The following KMT2C variants were observed in gnomAD, a reference collection of about 807,000 sequenced individuals.
KMT2C encodes histone-lysine N-methyltransferase 2C.
Under a neutral mutation model 507.9 loss-of-function variants are expected in KMT2C, and 88 were observed. That is an observed-to-expected ratio of 0.17 (90% CI 0.15 to 0.21). The LOEUF (loss-of-function observed/expected upper bound fraction) is 0.21, where lower values mean the gene tolerates loss of function less well. Among genes scored for constraint, KMT2C ranks in the 10% least tolerant of loss-of-function variants. KMT2C has a pLI of 1.00. For missense variants in KMT2C, 4,954 were observed against 5,957.8 expected (o/e 0.83, Z 5.55); for synonymous variants, 2,049 against 2,080.8 (o/e 0.98, Z 0.42).
chr7:152,192,352 C>T (rs1397062245), intron 31 of KMT2C, among the ~76,000 whole-genome samples: 2 of 151,880 alleles, frequency 1.3e-5, no homozygotes, highest in Non-Finnish European at 2.9e-5. Context: ...GCCAGCCTGA[C>T]CAAGATGGTG....
Position 152,210,063 on chromosome 7 carries a change from A to T in KMT2C, c.3713-2635T>A, listed in dbSNP as rs535038755. 1.7e-4 allele frequency among the ~76,000 whole-genome samples: 26 copies of T among 152,214 alleles called. No individual in the cohort carries two copies. The South Asian group carries it at 5.0e-3, about 29-fold the overall frequency. ...CAATGGGATGAAGACTGAAAATAGG[A>T]CCAAGAAAATATGGGCATACTAAAT... is the stretch of plus-strand genomic sequence containing the variant. On this transcript the variant is annotated intron_variant, in intron 23 of 58. Transcript: ENST00000262189.
chr7:152,255,126 T>TATATATATATATAC (rs2095632253), intron 9 of KMT2C, among the ~76,000 whole-genome samples: 1 of 119,760 alleles, frequency 8.4e-6, no homozygotes, highest in Non-Finnish European at 1.7e-5. Context: ...TATATATATA[T>TATATATATATATAC]ATATATATAT....
At chr7:152,191,033 A>C (rs949589007) in intron 31 of KMT2C, among the ~76,000 whole-genome samples, 1 of 152,218 alleles carries the variant, frequency 6.6e-6, no homozygotes, top group Non-Finnish European at 1.5e-5. Context: ...ATGTAATTGC[A>C]CACCTAATAT....
In KMT2C at chr7:152,248,077, G is replaced by T. The variant is rs1279128165; in HGVS notation, c.2357C>A (p.Thr786Lys). The T allele has an allele frequency of 2.5e-6, 4 of 1,614,142 alleles. No homozygotes were observed. Among genetic ancestry groups the T allele is most frequent in the Non-Finnish European group, 3.4e-6 (4 of 1,180,022 alleles). ...ISKADVSSSP[T>K]PSSDLPSHDM... ...ATGCGAAGGCAAGTCTGAAGAAGGTGTTGGGGAGGAAGACACATCTGCCTT... is the reference window on the plus strand; with the variant it reads ...ATGCGAAGGCAAGTCTGAAGAAGGTTTTGGGGAGGAAGACACATCTGCCTT... Residue 786 changes from threonine to lysine, a missense_variant, in exon 14 of 59, where the codon ACA becomes AAA. Transcript: ENST00000262189.
Position 152,367,247 on chromosome 7 carries a change from T to C in KMT2C, c.162-8572A>G, listed in dbSNP as rs2097254920. ...TGTTTTGATGTTGACAGCACGGTCATCAGAGAAGAAGGAACCAACATTCAA... is the reference window on the plus strand; with the variant it reads ...TGTTTTGATGTTGACAGCACGGTCACCAGAGAAGAAGGAACCAACATTCAA... On this transcript the variant is annotated intron_variant, in intron 1 of 58. Transcript: ENST00000262189. The C allele has an allele frequency of 4.9e-6, 7 of 1,420,352 alleles. No homozygotes were observed. The East Asian group carries it at 1.7e-4, about 35-fold the overall frequency. The allele number at this position is 1,420,352 out of a possible 1,614,324, so 88.0% of individuals were successfully genotyped here.
chr7:152,265,957 A>T (rs1270989764), intron 7 of KMT2C, among the ~76,000 whole-genome samples: 1 of 152,292 alleles, frequency 6.6e-6, no homozygotes, highest in East Asian at 1.9e-4. Flanking sequence ...AAATATAAGG[A>T]TAAACTGCCC....
intron 6 of KMT2C, among the ~76,000 whole-genome samples, chr7:152,287,745 C>T (rs538837464): frequency 2.6e-5 from 4 of 152,168 alleles, no homozygotes; most frequent in South Asian, 2.1e-4. Context: ...CAATTACAGC[C>T]GGACACAGTG....
At position 152,139,750 on chromosome 7, in the gene KMT2C, G is replaced by A. The variant is rs2129089896; in HGVS notation, c.14385C>T (p.Thr4795=). ...LYAARDIEKH[T]MVIEYIGTII... ...TAGTCCCGATGTACTCAATGACCAT[G>A]GTGTGTTTCTCAATGTCTCGAGCAG... The change falls in exon 56 of 59, where the codon ACC becomes ACT. Residue 4795 remains threonine, a synonymous_variant. Coordinates refer to ENST00000262189, the MANE Select transcript of KMT2C (RefSeq NM_170606.3). 6.2e-7 allele frequency: 1 copy of A among 1,613,938 alleles called. No homozygotes were observed. The highest frequency in any genetic ancestry group is 8.5e-7 in the Non-Finnish European group (1 of 1,179,974).
Position 152,421,239 on chromosome 7 carries a change from C to CA in KMT2C, c.161+14386dup, listed in dbSNP as rs772104072. ...ATGGCTATGATTAAAAAGTCACACACAAAAAAAACATGTTGGCAAGGTTGT... is the reference window on the plus strand; with the variant it reads ...ATGGCTATGATTAAAAAGTCACACACAAAAAAAAACATGTTGGCAAGGTTGT... On this transcript the variant is annotated intron_variant, in intron 1 of 58. Coordinates refer to ENST00000262189, the MANE Select transcript of KMT2C (RefSeq NM_170606.3). Among the ~76,000 whole-genome samples the CA allele has an allele frequency of 1.3e-3, 204 of 151,690 alleles. 1 individual carries two copies. Among genetic ancestry groups the CA allele is most frequent in the Non-Finnish European group, 2.2e-3 (148 of 67,864 alleles).
chr7:152,392,902 A>G (rs554348403), intron 1 of KMT2C, among the ~76,000 whole-genome samples: 1 of 152,312 alleles, frequency 6.6e-6, no homozygotes, highest in African/African-American at 2.4e-5. Context: ...TGAAGGAAGA[A>G]AGGGCAACAT....
At chr7:152,368,294 C>G in intron 1 of KMT2C, 2 of 1,169,616 alleles carry the variant, frequency 1.7e-6, no homozygotes, top group Non-Finnish European at 1.3e-6. Flanking sequence ...AGAAAACTGG[C>G]AGCTGTGACT....
Position 152,139,244 on chromosome 7 carries a change from T to C in KMT2C, c.14476A>G (p.Met4826Val), listed in dbSNP as rs1318969103. The C allele has an allele frequency of 2.0e-5, 33 of 1,613,644 alleles. No homozygotes were observed. Among genetic ancestry groups the C allele is most frequent in the Non-Finnish European group, 8.5e-7 (1 of 1,180,022 alleles). ...ACATGGTCGTTATCCATGCGGAACA[T>C]GTACACACCACGGTTCTGAGGGAAA... ...LYESQNRGVY[M>V]FRMDNDHVID... The change falls in exon 57 of 59, where the codon ATG (methionine) becomes GTG (valine). Residue 4826 changes from methionine (M) to valine (V), a missense_variant. Coordinates refer to ENST00000262189, the MANE Select transcript of KMT2C (RefSeq NM_170606.3).
intron 3 of KMT2C, among the ~76,000 whole-genome samples, chr7:152,325,587 A>C (rs749012052): frequency 3.3e-5 from 5 of 151,782 alleles, no homozygotes; most frequent in Non-Finnish European, 5.9e-5. Flanking sequence ...CAGCCTCCTG[A>C]GTAGCACCAC....
intron 3 of KMT2C, among the ~76,000 whole-genome samples, chr7:152,315,614 T>C (rs1447952682): frequency 2.0e-5 from 3 of 152,308 alleles, no homozygotes; most frequent in East Asian, 3.9e-4. Flanking sequence ...TTATTTTCTT[T>C]TATATTTGAC....
At chr7:152,275,605 T>C (rs970955456) in intron 6 of KMT2C, among the ~76,000 whole-genome samples, 3 of 152,192 alleles carry the variant, frequency 2.0e-5, no homozygotes, top group African/African-American at 4.8e-5. Flanking sequence ...TTTTTCTTCA[T>C]TGATAAAGTG....
intron 6 of KMT2C, among the ~76,000 whole-genome samples, chr7:152,293,449 G>A (rs981498643): frequency 2.0e-5 from 3 of 152,132 alleles, no homozygotes; most frequent in Admixed American, 2.0e-4. Context: ...AGTTCCTAAA[G>A]GGTATGCAGT....
chr7:152,340,191 T>C (rs2096978232), intron 2 of KMT2C, among the ~76,000 whole-genome samples: 1 of 151,214 alleles, frequency 6.6e-6, no homozygotes, highest in East Asian at 1.9e-4. Context: ...ATTAACTATG[T>C]TGCCCAGGCT....
intron 6 of KMT2C, among the ~76,000 whole-genome samples, chr7:152,305,638 C>T (rs2096609833): frequency 6.6e-6 from 1 of 151,602 alleles, no homozygotes; most frequent in Non-Finnish European, 1.5e-5. Context: ...AATCTATTTA[C>T]ATCAGTATGG....
In KMT2C at chr7:152,163,395, A is replaced by T. The variant is rs1420222673; in HGVS notation, c.10182T>A (p.Ser3394Arg). 16 of 1,613,830 alleles carry T rather than the reference A, an allele frequency of 9.9e-6. No individual in the cohort carries two copies. Among genetic ancestry groups the T allele is most frequent in the Non-Finnish European group, 1.4e-5 (16 of 1,180,004 alleles). ...EFDDNNPFSE[S>R]FQERERKERL... Reference sequence around the variant, plus strand: ...GTTCCTTACGTTCCCGTTCTTGAAAACTTTCACTAAAGGGATTGTTGTCAT... The same window carrying T: ...GTTCCTTACGTTCCCGTTCTTGAAATCTTTCACTAAAGGGATTGTTGTCAT... The change falls in exon 43 of 59, where the codon AGT (serine) becomes AGA (arginine). Residue 3394 changes from serine to arginine, a missense_variant. Ser to Arg is a moderately radical substitution (Grantham distance 110, BLOSUM62 -1). Around this residue, in one of 29 missense-constraint regions of KMT2C, gnomAD observed 801 missense variants for 751.2 expected, o/e 1.07. Transcript: ENST00000262189.
Sources: gnomAD v4.1 joint callset for allele counts (sites outside exome capture counted in the v4.1 genomes callset) on GRCh38, gnomAD v4.1.1 for gene constraint, gnomAD v4.1.1 regional missense constraint, MANE v1.5 for transcripts, NCBI Gene and HGNC (gene_info 2026-07-23, HGNC 2026-07-21) for gene names.